Variants in ZNF48 observed in about 807,000 individuals in gnomAD.
The protein encoded by ZNF48 is zinc finger protein 48.
In ZNF48, 20 loss-of-function variants were observed where a neutral mutation model predicts 40.0. The observed-to-expected ratio is 0.50, with a 90% CI of 0.35 to 0.73. The LOEUF is 0.73. ZNF48 is among the 30% of genes least tolerant of loss of function. The pLI is 0.01. For missense variants in ZNF48, 726 were observed against 851.9 expected (o/e 0.85, Z 1.84); for synonymous variants, 298 against 329.7 (o/e 0.90, Z 1.04).
Position 30,382,725 on chromosome 16 carries a change from G to C in ZNF48, c.-16+4315G>C. On this transcript the variant is annotated intron_variant, in intron 1 of 2. Transcript: ENST00000528032. This position sits in a 1 kb window ranked among gnomAD's most constrained non-coding sequence, Gnocchi z 4.8. ...TCCTGGACCCCTTTGCCCATCACCT[G>C]TCTACGTACCTTCAACCCTCCATCC... 6.5e-7 allele frequency: 1 copy of C among 1,536,074 alleles called. No homozygotes were observed. The highest frequency in any genetic ancestry group is 1.2e-5 in the South Asian group (1 of 84,048).
Position 30,382,501 on chromosome 16 carries a change from A to G in ZNF48, c.-16+4091A>G. On this transcript the variant is annotated intron_variant, in intron 1 of 2. Transcript: ENST00000528032. This position sits in a 1 kb window ranked among gnomAD's most constrained non-coding sequence, Gnocchi z 4.8. ...ATGGGGGCTGGGGGCCGAGATGCCC[A>G]GGTTTCTGGGTGTAAGGACTCACCA... 2 of 1,597,832 alleles carry G rather than the reference A, an allele frequency of 1.3e-6. No individual in the cohort carries two copies. The highest frequency in any genetic ancestry group is 1.7e-6 in the Non-Finnish European group (2 of 1,171,874).
chr16:30,379,007 C>A (rs781472907), intron 1 of ZNF48: 4 of 1,611,708 alleles, frequency 2.5e-6, no homozygotes, highest in Non-Finnish European at 3.4e-6. Context: ...ACTGTCCGCC[C>A]CGGGTCTCAC....
chr16:30,382,189 G>A lies in ZNF48; in HGVS notation c.-16+3779G>A, dbSNP rs779405190. 3.1e-6 allele frequency: 5 copies of A among 1,612,236 alleles called. No individual in the cohort carries two copies. In the South Asian group the frequency reaches 4.4e-5, roughly 14 times the overall value. ...CCTAGGCCTGACTCCCCTGTGGACA[G>A]AACAGGCCCAACTGGTCAGGGGAGG... On this transcript the variant is annotated intron_variant, in intron 1 of 2. Transcript: ENST00000528032. The surrounding 1 kb of genome is among the most constrained non-coding windows in gnomAD (Gnocchi z 4.8).
intron 1 of ZNF48, chr16:30,379,477 G>T: frequency 6.2e-7 from 1 of 1,613,790 alleles, no homozygotes. Flanking sequence ...CTCACCGGCC[G>T]GTTCCCGCCA....
intron 1 of ZNF48, chr16:30,378,870 C>CGGAGAGAG: frequency 4.4e-5 from 5 of 114,420 alleles, no homozygotes; most frequent in Admixed American, 2.1e-4. Context: ...GAGGGAGAGA[C>CGGAGAGAG]GGAGAGAGGG....
At chr16:30,389,273 C>T (rs979855646) in intron 1 of ZNF48, among the ~76,000 whole-genome samples, 1 of 151,826 alleles carries the variant, frequency 6.6e-6, no homozygotes, top group East Asian at 1.9e-4. Flanking sequence ...GCCCTGTAGT[C>T]CCAGCTACTC....
intron 1 of ZNF48, among the ~76,000 whole-genome samples, chr16:30,386,939 C>CT (rs1173887858): frequency 0.045 from 4,797 of 107,640 alleles, 333 homozygotes; most frequent in Non-Finnish European, 0.066. Context: ...TGCACCTGGC[C>CT]TTTTTTTTTT....
At chr16:30,394,928 G>T, upstream of ZNF48, 1 of 313,832 alleles carries the variant, frequency 3.2e-6, no homozygotes, top group South Asian at 2.5e-5. Context: ...CTCCTGCCTC[G>T]GTCTCCCCAG....
chr16:30,394,062 G>A (rs532059613), upstream of ZNF48, among the ~76,000 whole-genome samples: 16 of 149,510 alleles, frequency 1.1e-4, no homozygotes, highest in East Asian at 5.9e-4. Context: ...ACAGGGTCTC[G>A]CTCTGTTGCC....
chr16:30,380,333 A>T (rs935593955), intron 1 of ZNF48: 1 of 168,606 alleles, frequency 5.9e-6, no homozygotes, highest in Non-Finnish European at 1.3e-5. Context: ...ACAAGGTTTC[A>T]CTCTATCACC....
Position 30,395,879 on chromosome 16 carries a change from G to T in ZNF48, c.79+6G>T. ...ACAGAGAGGCGCCCGCACAGGTGAG[G>T]GCCTCGGCCGTGCGCCGCCACGGAC... On this transcript the variant is annotated splice_donor_region_variant and intron_variant, in intron 2 of 2. Transcript: ENST00000613509. This position sits in a 1 kb window ranked among gnomAD's most constrained non-coding sequence, Gnocchi z 5.9. 1 of 1,526,014 alleles carries T rather than the reference G, an allele frequency of 6.6e-7. No individual in the cohort carries two copies. The highest frequency in any genetic ancestry group is 8.8e-7 in the Non-Finnish European group (1 of 1,139,184). 94.5% of individuals were successfully genotyped at this position (1,526,014 alleles called of 1,614,324 possible).
At position 30,381,826 on chromosome 16, in the gene ZNF48, C is replaced by A. The variant is rs34518080; in HGVS notation, c.-16+3416C>A. The A allele has an allele frequency of 0.034, 54,838 of 1,614,162 alleles. 1,061 individuals carry two copies. The highest frequency in any genetic ancestry group is 0.082 in the Middle Eastern group (496 of 6,062). ...CACAAGGGTCAGCTTCACTTTCACA[C>A]CCCCTTCCTCAATCTCTACGCCCCG... On this transcript the variant is annotated intron_variant, in intron 1 of 2. Transcript: ENST00000528032. This position sits in a 1 kb window ranked among gnomAD's most constrained non-coding sequence, Gnocchi z 4.3.
Position 30,384,310 on chromosome 16 carries a change from C to T in ZNF48, c.-16+5900C>T, listed in dbSNP as rs539006649. On this transcript the variant is annotated intron_variant, in intron 1 of 2. Transcript: ENST00000528032. Reference sequence around the variant, plus strand: ...TTGGGAGGCTGAGTCGGGCAGATCACGAGGTCAAGAGATTGAGACCATCCT... The same window carrying T: ...TTGGGAGGCTGAGTCGGGCAGATCATGAGGTCAAGAGATTGAGACCATCCT... Among the ~76,000 whole-genome samples, 100 of 152,082 alleles carry T rather than the reference C, an allele frequency of 6.6e-4. 1 individual carries two copies. Among genetic ancestry groups the T allele is most frequent in the South Asian group, 5.2e-3 (25 of 4,814 alleles).
chr16:30,382,127 G>T lies in ZNF48; in HGVS notation c.-16+3717G>T. The T allele has an allele frequency of 6.3e-7, 1 of 1,589,690 alleles. No homozygotes were observed. On this transcript the variant is annotated intron_variant, in intron 1 of 2. Transcript: ENST00000528032. This position sits in a 1 kb window ranked among gnomAD's most constrained non-coding sequence, Gnocchi z 4.8. ...CTGGCACCTGGCGATCCTCATAGAG[G>T]TTGGTGAGGAAGAGGCTGTTGATGA...
rs1485355319 is a variant in ZNF48 at position 30,397,429 on chromosome 16, A to G, written c.179A>G (p.His60Arg). Residue 60 changes from histidine to arginine, a missense_variant, in exon 3 of 3, where the codon CAT becomes CGT. Coordinates refer to ENST00000613509, the MANE Select transcript of ZNF48 (RefSeq NM_001214909.2). The surrounding 1 kb of genome is among the most constrained non-coding windows in gnomAD (Gnocchi z 4.1). ...GFKEEDLAPD[H>R]EVGNASLKPE... ...AAGGAAGAAGATTTGGCTCCAGATC[A>G]TGAAGTAGGAAATGCCTCTCTCAAA... The G allele has an allele frequency of 1.9e-6, 3 of 1,614,132 alleles. No homozygotes were observed. Among genetic ancestry groups the G allele is most frequent in the South Asian group, 1.1e-5 (1 of 91,088 alleles).
chr16:30,392,369 C>A (rs2049949703), upstream of ZNF48, among the ~76,000 whole-genome samples: 1 of 152,014 alleles, frequency 6.6e-6, no homozygotes, highest in East Asian at 1.9e-4. Flanking sequence ...CCAGGCTGGT[C>A]TCAAACTGCT....
chr16:30,381,126 C>A lies in ZNF48; in HGVS notation c.-16+2716C>A, dbSNP rs761627626. ...CAAAGGTCAGAGGTCATCACTCACA[C>A]CTTCTGCTTGAGGGCCTGGGTTTCC... is the stretch of plus-strand genomic sequence containing the variant. On this transcript the variant is annotated intron_variant, in intron 1 of 2. Coordinates refer to the ZNF48 transcript ENST00000528032. This position sits in a 1 kb window ranked among gnomAD's most constrained non-coding sequence, Gnocchi z 4.3. 1.9e-6 allele frequency: 3 copies of A among 1,611,290 alleles called. No homozygotes were observed. The South Asian group carries it at 3.3e-5, about 18-fold the overall frequency.
chr16:30,399,233 A>G lies in ZNF48; in HGVS notation c.*126A>G, dbSNP rs1245834821. On this transcript the variant is annotated 3_prime_UTR_variant, in exon 3 of 3. Transcript: ENST00000613509. ...GGAAGAAAGGGGAGGAAGAATAGAT[A>G]GAAATAGGGATTGGAGACAGTAACC... 4.7e-5 allele frequency: 44 copies of G among 944,360 alleles called. No individual in the cohort carries two copies. The Admixed American group carries it at 1.3e-3, about 28-fold the overall frequency. 58.5% of individuals were successfully genotyped at this position (944,360 alleles called of 1,614,324 possible).
intron 1 of ZNF48, among the ~76,000 whole-genome samples, chr16:30,387,371 A>G (rs1430834041): frequency 6.8e-6 from 1 of 147,168 alleles, no homozygotes; most frequent in Non-Finnish European, 1.5e-5. Context: ...CCTGGCCAAC[A>G]TGTTGAAATC....
Sources: allele counts gnomAD v4.1 joint callset (sites outside exome capture counted in the v4.1 genomes callset), GRCh38; gene constraint gnomAD v4.1.1; non-coding constraint Gnocchi (gnomAD v3.1); transcripts MANE v1.5; gene names NCBI Gene and HGNC (gene_info 2026-07-23, HGNC 2026-07-21).